Variants in PCDHA1 observed in about 807,000 individuals in gnomAD.
PCDHA1 encodes the protein protocadherin alpha-1.
In PCDHA1, 42 loss-of-function variants were observed where a neutral mutation model predicts 61.3. The ratio of observed to expected loss-of-function variants is 0.69; its 90% CI spans 0.54 to 0.89. The LOEUF (loss-of-function observed/expected upper bound fraction) is 0.89. PCDHA1 is among the 40% of genes least tolerant of loss of function. PCDHA1 has a pLI of 0.00. For synonymous variants in PCDHA1, 610 were observed against 553.8 expected (o/e 1.10, Z -1.43); for missense variants, 1,256 against 1,235.3 (o/e 1.02, Z -0.25).
intron 1 of PCDHA1, chr5:140,856,710 T>A: frequency 6.3e-7 from 1 of 1,596,610 alleles, no homozygotes; most frequent in Non-Finnish European, 8.6e-7. Context: ...AAACCTGAAT[T>A]TACCGGATCT....
At chr5:140,863,236 G>A (rs782784210) in intron 1 of PCDHA1, 6 of 1,282,274 alleles carry the variant, frequency 4.7e-6, no homozygotes, top group Non-Finnish European at 4.4e-6. Context: ...CCCATCGCGG[G>A]CTTTGGCGGG....
At position 140,979,482 on chromosome 5, in the gene PCDHA1, C is replaced by A. The variant is rs568650143; in HGVS notation, c.2453+475C>A. On this transcript the variant is annotated intron_variant, in intron 2 of 3. Coordinates refer to ENST00000504120, the MANE Select transcript of PCDHA1 (RefSeq NM_018900.4). Reference sequence around the variant, plus strand: ...ATTGATTGCTATTGTTGTTTGTGTTCACACCTATTAGAGCCTCCTCATCTT... The same window carrying A: ...ATTGATTGCTATTGTTGTTTGTGTTAACACCTATTAGAGCCTCCTCATCTT... Among the ~76,000 whole-genome samples, 6 of 152,068 alleles carry A rather than the reference C, an allele frequency of 3.9e-5. No homozygotes were observed. In the South Asian group the frequency reaches 1.0e-3, roughly 26 times the overall value.
At chr5:140,799,417 C>T (rs1340431860) in intron 1 of PCDHA1, among the ~76,000 whole-genome samples, 5 of 152,052 alleles carry the variant, frequency 3.3e-5, no homozygotes, top group Non-Finnish European at 7.4e-5. Flanking sequence ...TATTTTCAAA[C>T]TAGCTACCAT....
chr5:140,932,920 A>G (rs1397195310), intron 1 of PCDHA1, among the ~76,000 whole-genome samples: 3 of 152,034 alleles, frequency 2.0e-5, no homozygotes, highest in Non-Finnish European at 4.4e-5. Flanking sequence ...CAACAACTAA[A>G]TTAACTTAGC....
intron 1 of PCDHA1, among the ~76,000 whole-genome samples, chr5:140,937,011 G>A (rs567332621): frequency 9.2e-5 from 14 of 151,352 alleles, no homozygotes; most frequent in Non-Finnish European, 1.8e-4. Flanking sequence ...ACAGACAACC[G>A]ATTAACAAGG....
At chr5:140,927,447 G>A (rs1563092229) in intron 1 of PCDHA1, 7 of 1,613,982 alleles carry the variant, frequency 4.3e-6, no homozygotes, top group Non-Finnish European at 5.1e-6. Flanking sequence ...ACCCGGAGTT[G>A]GTGTTGGAGA....
At chr5:140,815,792 G>A (rs1320441539) in intron 1 of PCDHA1, 1 of 152,094 alleles carries the variant, frequency 6.6e-6, no homozygotes, top group African/African-American at 2.4e-5. Context: ...TTCAGCTTTT[G>A]TTTAACTGGG....
rs2150124604 is a variant in PCDHA1 at position 140,823,315 on chromosome 5, G to C, written c.2394+34631G>C. 2.4e-5 allele frequency: 39 copies of C among 1,612,268 alleles called. No homozygotes were observed. The Admixed American group carries it at 5.5e-4, about 23-fold the overall frequency. On this transcript the variant is annotated intron_variant, in intron 1 of 3. Transcript: ENST00000504120. ...TTACGTTTCGGTGCACGCGGAGAGC[G>C]GCAAGGTGTACGCGCTGCAGCCGCT...
At chr5:140,838,701 C>T (rs1368590558) in intron 1 of PCDHA1, among the ~76,000 whole-genome samples, 2 of 151,802 alleles carry the variant, frequency 1.3e-5, no homozygotes, top group South Asian at 2.1e-4. Flanking sequence ...TTCGGGAGGC[C>T]GAGGCAGGAG....
chr5:140,927,176 TGACCTAC>T (rs1285493810), intron 1 of PCDHA1: 5 of 1,614,156 alleles, frequency 3.1e-6, no homozygotes, highest in Non-Finnish European at 4.2e-6. Flanking sequence ...GCCTGCGTCT[TGACCTAC>T]GACCTGGTGC....
chr5:140,788,592 G>A lies in PCDHA1; in HGVS notation c.2302G>A (p.Asp768Asn), dbSNP rs376391053. The A allele has an allele frequency of 5.0e-6, 8 of 1,614,146 alleles. No homozygotes were observed. The African/African-American group carries it at 5.3e-5, about 11-fold the overall frequency. Residue 768 changes from aspartate to asparagine, a missense_variant, in exon 1 of 4, where the codon GAC becomes AAC. Physicochemically the swap from Asp to Asn is conservative, Grantham distance 23. Transcript: ENST00000504120. Reference sequence around the variant, plus strand: ...CTCTAGCGAGGGCCCACCCAAGACCGACCTCATGGCCTTCAGCCCAGGCCT... The same window carrying A: ...CTCTAGCGAGGGCCCACCCAAGACCAACCTCATGGCCTTCAGCCCAGGCCT... ...VCSSEGPPKTDLMAFSPGLSP... is the reference protein window; with the variant it reads ...VCSSEGPPKTNLMAFSPGLSP...
chr5:140,913,821 A>G (rs2153527973), intron 1 of PCDHA1, among the ~76,000 whole-genome samples: 1 of 152,122 alleles, frequency 6.6e-6, no homozygotes, highest in East Asian at 1.9e-4. Context: ...TTCCTTTTAA[A>G]TTTCTTTATT....
At chr5:140,850,122 C>T in intron 1 of PCDHA1, 2 of 1,595,914 alleles carry the variant, frequency 1.3e-6, no homozygotes, top group Non-Finnish European at 1.7e-6. Context: ...CGCGGGCGTG[C>T]CGCCTCTGGG....
intron 1 of PCDHA1, chr5:140,852,259 C>G: frequency 2.0e-6 from 1 of 509,052 alleles, no homozygotes; most frequent in Non-Finnish European, 2.6e-6. Flanking sequence ...TTGGAATATG[C>G]TACAATATTA....
intron 1 of PCDHA1, among the ~76,000 whole-genome samples, chr5:140,911,895 T>C (rs1289494210): frequency 1.3e-5 from 2 of 152,184 alleles, no homozygotes; most frequent in East Asian, 3.8e-4. Flanking sequence ...AAAATCTGTA[T>C]TAGTCAGAGC....
At chr5:140,976,566 A>C (rs2096723160) in intron 1 of PCDHA1, among the ~76,000 whole-genome samples, 2 of 152,098 alleles carry the variant, frequency 1.3e-5, no homozygotes, top group African/African-American at 4.8e-5. Flanking sequence ...TAAATAAATA[A>C]ATATAAATAA....
chr5:140,893,863 A>G (rs568224949), intron 1 of PCDHA1, among the ~76,000 whole-genome samples: 1 of 152,300 alleles, frequency 6.6e-6, no homozygotes, highest in African/African-American at 2.4e-5. Context: ...GTATAGAAAC[A>G]ACCCAGATCC....
chr5:140,938,560 C>T (rs2092118397), intron 1 of PCDHA1, among the ~76,000 whole-genome samples: 1 of 143,272 alleles, frequency 7.0e-6, no homozygotes, highest in Non-Finnish European at 1.5e-5. Flanking sequence ...TTATTAATAG[C>T]ATGCATTATA....
intron 1 of PCDHA1, among the ~76,000 whole-genome samples, chr5:140,800,135 AT>A (rs1366612742): frequency 6.6e-6 from 1 of 152,160 alleles, no homozygotes; most frequent in Non-Finnish European, 1.5e-5. Context: ...TATTGTTAAC[AT>A]TTTAGTATAT....
Sources: allele counts gnomAD v4.1 joint callset (sites outside exome capture counted in the v4.1 genomes callset), GRCh38; gene constraint gnomAD v4.1.1; transcripts MANE v1.5; gene names NCBI Gene and HGNC (gene_info 2026-07-23, HGNC 2026-07-21).